Variants in IL15 observed in about 807,000 individuals in gnomAD.
The protein encoded by IL15 is interleukin-15.
Under a neutral mutation model 19.6 loss-of-function variants are expected in IL15, and 11 were observed. The observed-to-expected ratio is 0.56, with a 90% CI of 0.35 to 0.93. IL15 has a LOEUF of 0.93. IL15 is among the 40% of genes least tolerant of loss of function. The probability of loss-of-function intolerance (pLI) is 0.01; values close to 1 mark genes in which losing one functional copy is unlikely to be tolerated. For synonymous variants in IL15, 58 were observed against 59.6 expected (o/e 0.97, Z 0.12); for missense variants, 197 against 186.5 (o/e 1.06, Z -0.33).
intron 2 of IL15, among the ~76,000 whole-genome samples, chr4:141,712,862 A>C (rs1276559847): frequency 6.6e-6 from 1 of 151,764 alleles, no homozygotes; most frequent in Non-Finnish European, 1.5e-5. Flanking sequence ...AGCATTCCAA[A>C]GAACTTAAAG....
Position 141,732,723 on chromosome 4 carries a change from C to T in IL15, c.379-15C>T, listed in dbSNP as rs755777438. 6.2e-7 allele frequency: 1 copy of T among 1,605,766 alleles called. No individual in the cohort carries two copies. The highest frequency in any genetic ancestry group is 1.1e-5 in the South Asian group (1 of 88,498). On this transcript the variant is annotated splice_polypyrimidine_tract_variant and intron_variant, in intron 7 of 7. Coordinates refer to ENST00000320650, the MANE Select transcript of IL15 (RefSeq NM_000585.5). ...ATTATAAATTGCCAATTTAATCTCT[C>T]TCTATATTTTGCAGAATGTAACAGA...
Position 141,658,538 on chromosome 4 carries a change from A to C in IL15, c.-100+2231A>C, listed in dbSNP as rs147138681. Among the ~76,000 whole-genome samples the C allele has an allele frequency of 3.7e-3, 558 of 152,148 alleles. 1 individual carries two copies. The highest frequency in any genetic ancestry group is 0.014 in the Middle Eastern group (4 of 294). On this transcript the variant is annotated intron_variant, in intron 2 of 7. Coordinates refer to ENST00000320650, the MANE Select transcript of IL15 (RefSeq NM_000585.5). ...AATAAATCCAAGCATCTGGCTTCTT[A>C]CTGGTAAAGTGAATATATACATTTC...
chr4:141,653,288 TGGA>T (rs1419185693), intron 1 of IL15, among the ~76,000 whole-genome samples: 1 of 152,210 alleles, frequency 6.6e-6, no homozygotes, highest in Non-Finnish European at 1.5e-5. Context: ...AGCAGCTTTA[TGGA>T]GAATGTCATA....
At chr4:141,690,776 T>C (rs955999504) in intron 2 of IL15, among the ~76,000 whole-genome samples, 1 of 152,178 alleles carries the variant, frequency 6.6e-6, no homozygotes, top group African/African-American at 2.4e-5. Context: ...GACATACTCC[T>C]ATTTTTTTCA....
At chr4:141,716,068 A>G (rs1295866610) in intron 2 of IL15, 1 of 152,216 alleles carries the variant, frequency 6.6e-6, no homozygotes, top group Non-Finnish European at 1.5e-5. Context: ...TGAAAACTAT[A>G]GAGATGCCTG....
chr4:141,711,323 T>C (rs969372481), intron 2 of IL15, among the ~76,000 whole-genome samples: 1 of 152,076 alleles, frequency 6.6e-6, no homozygotes, highest in African/African-American at 2.4e-5. Context: ...GAACTTGAAA[T>C]TGGCGAGATG....
At chr4:141,677,146 C>G (rs1333559722) in intron 2 of IL15, among the ~76,000 whole-genome samples, 1 of 152,112 alleles carries the variant, frequency 6.6e-6, no homozygotes, top group Non-Finnish European at 1.5e-5. Flanking sequence ...TGTATTTCCT[C>G]AAAGTTACAC....
At chr4:141,670,118 A>C (rs1399882025) in intron 2 of IL15, among the ~76,000 whole-genome samples, 1 of 151,718 alleles carries the variant, frequency 6.6e-6, no homozygotes, top group Non-Finnish European at 1.5e-5. Flanking sequence ...AAAATTAATA[A>C]AATTTTTCAA....
At chr4:141,694,810 G>A (rs1239440433) in intron 2 of IL15, among the ~76,000 whole-genome samples, 1 of 152,166 alleles carries the variant, frequency 6.6e-6, no homozygotes, top group African/African-American at 2.4e-5. Flanking sequence ...TTTTCCCACA[G>A]ACCTGGTACT....
At chr4:141,685,410 C>G (rs1386797491) in intron 2 of IL15, among the ~76,000 whole-genome samples, 1 of 152,130 alleles carries the variant, frequency 6.6e-6, no homozygotes, top group Non-Finnish European at 1.5e-5. Flanking sequence ...GAGCAACAAA[C>G]CCTAAGCTGT....
chr4:141,680,575 A>G (rs972915680), intron 2 of IL15, among the ~76,000 whole-genome samples: 1 of 152,190 alleles, frequency 6.6e-6, no homozygotes, highest in Non-Finnish European at 1.5e-5. Flanking sequence ...CCTGTGTGCT[A>G]TTAAAAGCTC....
chr4:141,690,113 T>C (rs1172562112), intron 2 of IL15, among the ~76,000 whole-genome samples: 1 of 152,010 alleles, frequency 6.6e-6, no homozygotes, highest in African/African-American at 2.4e-5. Flanking sequence ...GCTAAGTCCC[T>C]CATTGCCCGG....
chr4:141,730,143 C>G (rs899161002), intron 7 of IL15, among the ~76,000 whole-genome samples, 159 bp downstream of exon 7: 5 of 152,130 alleles, frequency 3.3e-5, no homozygotes, highest in African/African-American at 1.2e-4. Context: ...CCAGCATGCA[C>G]ACAATGCTAA....
rs189665172 is a variant in IL15, at chr4:141,703,963, A to G, written c.-99-15403A>G. Among the ~76,000 whole-genome samples the G allele has an allele frequency of 8.5e-5, 13 of 152,194 alleles. No homozygotes were observed. The East Asian group carries it at 2.5e-3, about 29-fold the overall frequency. ...GTTAATTTTAAAAGTTTTTTGATGA[A>G]TTCTTTAGGGTTTTTAATATATAAA... is the stretch of plus-strand genomic sequence containing the variant. On this transcript the variant is annotated intron_variant, in intron 2 of 7. Transcript: ENST00000320650.
At chr4:141,673,659 A>C (rs1728247329) in intron 2 of IL15, among the ~76,000 whole-genome samples, 1 of 152,178 alleles carries the variant, frequency 6.6e-6, no homozygotes, top group Non-Finnish European at 1.5e-5. Context: ...TAATGTATTT[A>C]TTACTATCTG....
chr4:141,674,603 G>A (rs954379391), intron 2 of IL15, among the ~76,000 whole-genome samples: 1 of 151,474 alleles, frequency 6.6e-6, no homozygotes, highest in Admixed American at 6.6e-5. Flanking sequence ...AAAAAAAAAA[G>A]AAATAAAAAA....
intron 2 of IL15, chr4:141,718,854 T>C (rs1729979687): frequency 1.3e-5 from 2 of 152,214 alleles, no homozygotes; most frequent in South Asian, 2.1e-4. Flanking sequence ...AATTTAGGGA[T>C]GTTTAATCTT....
In IL15 at chr4:141,674,863, G is replaced by T. The variant is rs182516365; in HGVS notation, c.-100+18556G>T. On this transcript the variant is annotated intron_variant, in intron 2 of 7. Transcript: ENST00000320650. The stretch of plus-strand genomic sequence containing the variant: ...TGTAACAAATCACCACAAACTTAGA[G>T]AATTAAAATAACACCATTACTTATA... Among the ~76,000 whole-genome samples, 5 of 152,178 alleles carry T rather than the reference G, an allele frequency of 3.3e-5. No homozygotes were observed. In the East Asian group the frequency reaches 9.7e-4, roughly 29 times the overall value.
At chr4:141,679,170 T>G (rs140282438) in intron 2 of IL15, among the ~76,000 whole-genome samples, 3 of 152,158 alleles carry the variant, frequency 2.0e-5, no homozygotes. Flanking sequence ...AATGACTAAG[T>G]AATTTGGGAC....
Sources: allele counts gnomAD v4.1 joint callset (sites outside exome capture counted in the v4.1 genomes callset), GRCh38; gene constraint gnomAD v4.1.1; transcripts MANE v1.5; gene names NCBI Gene and HGNC (gene_info 2026-07-23, HGNC 2026-07-21).